The following EFCAB5 variants were observed in gnomAD, a reference collection of about 807,000 sequenced individuals.
The protein encoded by EFCAB5 is EF-hand calcium binding domain 5.
In EFCAB5, 131 loss-of-function variants were observed where a neutral mutation model predicts 167.9. The observed-to-expected ratio is 0.78, with a 90% CI of 0.68 to 0.90. EFCAB5 has a LOEUF of 0.90. EFCAB5 is among the 40% of genes least tolerant of loss of function. The pLI is 0.00. For synonymous variants in EFCAB5, 574 were observed against 602.8 expected, an observed-to-expected ratio of 0.95 and a Z score of 0.70; for missense variants, 1,663 against 1,745.2, an observed-to-expected ratio of 0.95 and a Z score of 0.84.
At chr17:30,039,143 C>T (rs1476475733) in intron 8 of EFCAB5, among the ~76,000 whole-genome samples, 1 of 152,136 alleles carries the variant, frequency 6.6e-6, no homozygotes, top group East Asian at 1.9e-4. Context: ...CCAACACCAT[C>T]CTGAGAACCA....
chr17:30,079,171 T>C (rs1298594348), intron 15 of EFCAB5, among the ~76,000 whole-genome samples: 1 of 152,198 alleles, frequency 6.6e-6, no homozygotes, highest in Non-Finnish European at 1.5e-5. Flanking sequence ...ACTTGCTCAA[T>C]TGAATCATCT....
At chr17:30,036,907 G>A (rs1405589188) in intron 8 of EFCAB5, among the ~76,000 whole-genome samples, 1 of 152,208 alleles carries the variant, frequency 6.6e-6, no homozygotes, top group Admixed American at 6.5e-5. Context: ...AGAGAAGGAG[G>A]TTGGAGTGTG....
chr17:30,073,850 C>G, intron 14 of EFCAB5: 3 of 420,040 alleles, frequency 7.1e-6, no homozygotes, highest in Non-Finnish European at 1.3e-5. Context: ...TGCTTGAGCC[C>G]AGGAGTTCAA....
intron 22 of EFCAB5, among the ~76,000 whole-genome samples, chr17:30,093,169 T>G (rs2071233481): frequency 6.6e-6 from 1 of 152,242 alleles, no homozygotes; most frequent in South Asian, 2.1e-4. Flanking sequence ...ATTGACTACA[T>G]GTGCATTATT....
chr17:30,041,183 AAAGG>A (rs1188198032), intron 8 of EFCAB5, among the ~76,000 whole-genome samples: 3 of 139,624 alleles, frequency 2.1e-5, no homozygotes, highest in South Asian at 2.2e-4. Flanking sequence ...AGATCGAAAG[AAAGG>A]AAGGAAGGAA....
chr17:29,950,189 G>C (rs1158148543), intron 3 of EFCAB5, among the ~76,000 whole-genome samples: 1 of 152,082 alleles, frequency 6.6e-6, no homozygotes, highest in Non-Finnish European at 1.5e-5. Context: ...TGAGGACAAT[G>C]AGAATGAAAA....
chr17:29,939,729 T>C (rs2067273948), upstream of EFCAB5, among the ~76,000 whole-genome samples: 1 of 152,336 alleles, frequency 6.6e-6, no homozygotes, highest in Non-Finnish European at 1.5e-5. Context: ...TTCTCACCTC[T>C]CTCAGCCTTC....
intron 7 of EFCAB5, among the ~76,000 whole-genome samples, chr17:30,001,578 C>T (rs575583748): frequency 2.0e-5 from 3 of 152,210 alleles, no homozygotes; most frequent in South Asian, 4.2e-4. Flanking sequence ...TGGGACCAAC[C>T]TGGGCAACAT....
chr17:29,955,820 TA>T (rs2067603876), intron 3 of EFCAB5, among the ~76,000 whole-genome samples: 1 of 151,496 alleles, frequency 6.6e-6, no homozygotes, highest in Non-Finnish European at 1.5e-5. Flanking sequence ...AAAACTATTC[TA>T]AAATTTATGT....
At chr17:30,092,273 T>A in intron 21 of EFCAB5, 116 bp downstream of exon 21, 1 of 1,095,390 alleles carries the variant, frequency 9.1e-7, no homozygotes, top group Non-Finnish European at 1.3e-6. Context: ...TTTTACTGAG[T>A]GGAACACGTT....
chr17:30,073,630 C>T, intron 14 of EFCAB5: 1 of 706,446 alleles, frequency 1.4e-6, no homozygotes, highest in Admixed American at 2.1e-5. Flanking sequence ...CAGCTTTTTT[C>T]TTTCTTTTTG....
chr17:30,006,475 C>T (rs982293174), intron 7 of EFCAB5, among the ~76,000 whole-genome samples: 1 of 152,056 alleles, frequency 6.6e-6, no homozygotes, highest in Non-Finnish European at 1.5e-5. Context: ...AGGTGAGAAT[C>T]TAACTTAATT....
intron 3 of EFCAB5, among the ~76,000 whole-genome samples, chr17:29,966,671 T>A (rs2067834839): frequency 6.6e-6 from 1 of 152,186 alleles, no homozygotes; most frequent in South Asian, 2.1e-4. Context: ...ACTGTAAAGT[T>A]ATTTTCCCTC....
intron 3 of EFCAB5, among the ~76,000 whole-genome samples, chr17:29,950,096 T>G (rs930631855): frequency 1.3e-5 from 2 of 152,192 alleles, no homozygotes; most frequent in Admixed American, 1.3e-4. Context: ...GGTCCACTTA[T>G]ACACAGATTT....
chr17:29,975,121 C>G (rs2068038417), intron 4 of EFCAB5, among the ~76,000 whole-genome samples: 1 of 151,932 alleles, frequency 6.6e-6, no homozygotes, highest in South Asian at 2.1e-4. Flanking sequence ...CATACAAAAC[C>G]AGTCAGTGGG....
chr17:30,040,915 G>A (rs915881982), intron 8 of EFCAB5, among the ~76,000 whole-genome samples: 4 of 152,100 alleles, frequency 2.6e-5, no homozygotes, highest in South Asian at 2.1e-4. Context: ...TAAACCTTTC[G>A]TAAGCAACTT....
chr17:30,053,767 G>T lies in EFCAB5; in HGVS notation c.1813G>T (p.Glu605Ter). The change falls in exon 10 of 23, where the codon GAA becomes TAA. Residue 605 changes from glutamate to a stop codon, truncating the protein, a stop_gained. Coordinates refer to ENST00000394835, the MANE Select transcript of EFCAB5 (RefSeq NM_198529.4). LOFTEE classifies it high-confidence loss of function. ...EQGSSRESVA[E>*]QGSRRESIAE... ...AGGATCAAGCAGAGAGTCAGTTGCA[G>T]AACAAGGGTCACGCAGAGAGTCTAT... 2.5e-6 allele frequency: 4 copies of T among 1,613,946 alleles called. No homozygotes were observed. Among genetic ancestry groups the T allele is most frequent in the Non-Finnish European group, 3.4e-6 (4 of 1,179,866 alleles).
At chr17:30,013,007 G>A (rs930543798) in intron 7 of EFCAB5, among the ~76,000 whole-genome samples, 5 of 152,146 alleles carry the variant, frequency 3.3e-5, no homozygotes, top group African/African-American at 9.7e-5. Context: ...AGAGTTTTTA[G>A]CACAAAGGCT....
chr17:29,993,572 A>G (rs1012131048), intron 5 of EFCAB5, among the ~76,000 whole-genome samples: 9 of 151,940 alleles, frequency 5.9e-5, no homozygotes, highest in African/African-American at 2.2e-4. Context: ...ATCACTATAA[A>G]CCAACATATA....
Sources: allele counts gnomAD v4.1 joint callset (sites outside exome capture counted in the v4.1 genomes callset), GRCh38; gene constraint gnomAD v4.1.1; transcripts MANE v1.5; gene names NCBI Gene and HGNC (gene_info 2026-07-23, HGNC 2026-07-21).